NGLY1: variants seen among roughly 807,000 people sequenced by gnomAD.
NGLY1 encodes the protein N-glycanase 1.
A neutral mutation model predicts 84.6 loss-of-function variants in NGLY1; 68 were observed. The ratio of observed to expected loss-of-function variants is 0.80; its 90% CI spans 0.66 to 0.98. The LOEUF is 0.98. NGLY1 is among the 50% of genes least tolerant of loss of function. NGLY1 has a pLI of 0.00. For synonymous variants in NGLY1, 280 were observed against 275.2 expected (o/e 1.02, Z -0.17); for missense variants, 779 against 770.2 (o/e 1.01, Z -0.14).
chr3:25,747,124 T>C (rs965713949), intron 4 of NGLY1, among the ~76,000 whole-genome samples: 1 of 152,238 alleles, frequency 6.6e-6, no homozygotes, highest in Non-Finnish European at 1.5e-5. Flanking sequence ...ACTCAGTTGA[T>C]CTGTATATTT....
chr3:25,769,650 A>T (rs924756409), intron 2 of NGLY1, among the ~76,000 whole-genome samples: 4 of 152,204 alleles, frequency 2.6e-5, no homozygotes, highest in African/African-American at 9.6e-5. Context: ...TTCCTCAAAA[A>T]AACTAAAAAT....
rs1398932990 is a variant in NGLY1, at chr3:25,732,464, T to G, written c.1280A>C (p.Glu427Ala). ...CTGGAGAAGTTCTTTCCTTCTGTTTTCTGACAAAAACAGTTGCCTCTGTAA... is the reference window on the plus strand; with the variant it reads ...CTGGAGAAGTTCTTTCCTTCTGTTTGCTGACAAAAACAGTTGCCTCTGTAA... Reference protein sequence around the residue: ...LNKQRQLFLSENRRKELLQRI... With the variant: ...LNKQRQLFLSANRRKELLQRI... The change falls in exon 9 of 12, where the codon GAA (glutamate) becomes GCA (alanine). Residue 427 changes from glutamate (E) to alanine (A), a missense_variant. By Grantham distance (107) the Glu-to-Ala change is moderately radical. Transcript: ENST00000280700. 1 of 1,613,050 alleles carries G rather than the reference T, an allele frequency of 6.2e-7. No homozygotes were observed. The highest frequency in any genetic ancestry group is 8.5e-7 in the Non-Finnish European group (1 of 1,179,518).
chr3:25,782,422 C>T (rs1218644142), intron 1 of NGLY1, among the ~76,000 whole-genome samples: 1 of 152,130 alleles, frequency 6.6e-6, no homozygotes, highest in Non-Finnish European at 1.5e-5. Context: ...TTCCATTTCC[C>T]TACCCCCCCA....
chr3:25,723,479 T>A (rs1261999308), intron 10 of NGLY1, among the ~76,000 whole-genome samples: 3 of 152,192 alleles, frequency 2.0e-5, no homozygotes, highest in African/African-American at 7.2e-5. Flanking sequence ...CAAAGACTCA[T>A]TTTTAGAGGT....
At chr3:25,736,402 T>C in intron 6 of NGLY1, 2 of 1,546,132 alleles carry the variant, frequency 1.3e-6, no homozygotes, top group Non-Finnish European at 1.8e-6. Flanking sequence ...GCTGTAACTC[T>C]TAAGAAGGTA....
chr3:25,764,485 G>A (rs1021966262), intron 2 of NGLY1, among the ~76,000 whole-genome samples, 174 bp from the exon 3 acceptor site: 2 of 151,846 alleles, frequency 1.3e-5, no homozygotes, highest in African/African-American at 4.8e-5. Context: ...GGTAAATAAT[G>A]CCTAAACATA....
intron 3 of NGLY1, chr3:25,755,540 T>C: frequency 7.0e-7 from 1 of 1,424,290 alleles, no homozygotes; most frequent in Non-Finnish European, 9.9e-7. Context: ...CAGTTCAAAA[T>C]GTTCCAACTA....
At chr3:25,732,709 C>A (rs1705603690) in intron 8 of NGLY1, among the ~76,000 whole-genome samples, 1 of 152,158 alleles carries the variant, frequency 6.6e-6, no homozygotes, top group African/African-American at 2.4e-5. Flanking sequence ...ATTTCCAACT[C>A]TCCATGAGCT....
Position 25,737,945 on chromosome 3 carries a change from G to A in NGLY1, c.882-490C>T, listed in dbSNP as rs540566790. On this transcript the variant is annotated intron_variant, in intron 5 of 11. Transcript: ENST00000280700. ...ATTAAACGGTAGTACTGCTTTCAAGGTGTTCACAATCCTGAGGAAAGGGAT... is the reference window on the plus strand; with the variant it reads ...ATTAAACGGTAGTACTGCTTTCAAGATGTTCACAATCCTGAGGAAAGGGAT... Among the ~76,000 whole-genome samples the A allele has an allele frequency of 6.6e-5, 10 of 152,274 alleles. No individual in the cohort carries two copies. The South Asian group carries it at 2.1e-3, about 32-fold the overall frequency.
At chr3:25,744,059 AC>A (rs1438085261) in intron 4 of NGLY1, among the ~76,000 whole-genome samples, 5 of 152,242 alleles carry the variant, frequency 3.3e-5, no homozygotes, top group African/African-American at 1.2e-4. Flanking sequence ...CTTCAAAAAT[AC>A]CATATAAACG....
At chr3:25,789,935 A>T (rs764322840) in exon 1 of NGLY1, 89 of 1,541,912 alleles carry the variant, frequency 5.8e-5, no homozygotes, top group Non-Finnish European at 7.6e-5. Flanking sequence ...CTGCTCACGC[A>T]AACAGCTACC....
chr3:25,786,735 ATTTT>A (rs1176465477), upstream of NGLY1, among the ~76,000 whole-genome samples: 1 of 152,194 alleles, frequency 6.6e-6, no homozygotes, highest in Non-Finnish European at 1.5e-5. Context: ...ATTTCAGATG[ATTTT>A]TTTAAAATGG....
chr3:25,751,018 G>A, intron 4 of NGLY1, 80 bp downstream of exon 4: 1 of 1,390,274 alleles, frequency 7.2e-7, no homozygotes, highest in Non-Finnish European at 9.8e-7. Context: ...TGTTCTTCAA[G>A]GGTCAGTTGT....
chr3:25,784,809 A>G (rs1474584464), upstream of NGLY1, among the ~76,000 whole-genome samples: 1 of 152,248 alleles, frequency 6.6e-6, no homozygotes, highest in Non-Finnish European at 1.5e-5. Flanking sequence ...TGTGTTCAAC[A>G]GATAGTAGTA....
chr3:25,749,833 C>G (rs1418467390), intron 4 of NGLY1: 3 of 1,118,874 alleles, frequency 2.7e-6, no homozygotes. Context: ...TGGAAAGAGC[C>G]ACCCAGCTGG....
intron 3 of NGLY1, among the ~76,000 whole-genome samples, 162 bp from the exon 4 acceptor site, chr3:25,751,425 G>C (rs1418038982): frequency 6.6e-6 from 1 of 152,154 alleles, no homozygotes; most frequent in Non-Finnish European, 1.5e-5. Flanking sequence ...ATTAGTATTA[G>C]GAGACAGCCA....
At chr3:25,736,307 A>G (rs201264649) in intron 6 of NGLY1, 158 bp from the exon 7 acceptor site, 2 of 1,550,922 alleles carry the variant, frequency 1.3e-6, no homozygotes, top group Non-Finnish European at 1.7e-6. Context: ...ATTTTAGAAT[A>G]CCTGTATTAA....
intron 6 of NGLY1, chr3:25,737,076 C>T (rs1230879638): frequency 1.6e-5 from 5 of 317,972 alleles, no homozygotes; most frequent in Non-Finnish European, 2.3e-5. Context: ...ATCTATTATG[C>T]ATCAATAAAA....
Position 25,783,441 on chromosome 3 carries a change from A to G in NGLY1, c.-51T>C. The G allele has an allele frequency of 6.8e-7, 1 of 1,476,076 alleles. No individual in the cohort carries two copies. Among genetic ancestry groups the G allele is most frequent in the Non-Finnish European group, 8.9e-7 (1 of 1,118,328 alleles). The allele number at this position is 1,476,076 out of a possible 1,614,324, so 91.4% of individuals were successfully genotyped here. ...CCGCCCCTCGCTCTCCGCGTCCCAC[A>G]CTGAGCAGGCGCCTCAGCGCGCAGC... On this transcript the variant is annotated 5_prime_UTR_variant, in exon 1 of 12. Transcript: ENST00000280700. The surrounding 1 kb of genome is among the most constrained non-coding windows in gnomAD (Gnocchi z 4.5).
Sources: gnomAD v4.1 joint callset for allele counts (sites outside exome capture counted in the v4.1 genomes callset) on GRCh38, gnomAD v4.1.1 for gene constraint, Gnocchi (gnomAD v3.1) non-coding constraint, MANE v1.5 for transcripts, NCBI Gene and HGNC (gene_info 2026-07-23, HGNC 2026-07-21) for gene names.